Variants in RBFOX3 observed in about 807,000 individuals in gnomAD.
The protein encoded by RBFOX3 is RNA binding protein fox-1 homolog 3.
RBFOX3 carries 17 observed loss-of-function variants against 48.7 expected under a neutral mutation model. The ratio of observed to expected loss-of-function variants is 0.35; its 90% CI spans 0.24 to 0.52. RBFOX3 has a LOEUF of 0.52. RBFOX3 is among the 20% of genes least tolerant of loss of function. The pLI is 0.94. For missense variants in RBFOX3, 382 were observed against 497.5 expected, an observed-to-expected ratio of 0.77 and a Z score of 2.21; for synonymous variants, 212 against 209.5, an observed-to-expected ratio of 1.01 and a Z score of -0.10.
chr17:79,120,619 A>G (rs774055791), intron 4 of RBFOX3, among the ~76,000 whole-genome samples: 4 of 129,850 alleles, frequency 3.1e-5, no homozygotes, highest in Non-Finnish European at 6.6e-5. Context: ...GAATGGATGG[A>G]AAGAAGGGTG....
chr17:79,147,576 G>GT (rs1005147881), intron 4 of RBFOX3, among the ~76,000 whole-genome samples: 13 of 152,304 alleles, frequency 8.5e-5, no homozygotes, highest in African/African-American at 3.1e-4. Flanking sequence ...TCACCTTCTG[G>GT]TAAGAGGATC....
At chr17:79,276,517 C>T (rs2068863689) in intron 3 of RBFOX3, among the ~76,000 whole-genome samples, 1 of 152,110 alleles carries the variant, frequency 6.6e-6, no homozygotes, top group South Asian at 2.1e-4. Flanking sequence ...GAAACCCCAT[C>T]TCTACTAAAA....
chr17:79,620,403 A>G, the RBFOX3 span, among the ~76,000 whole-genome samples: 3 of 149,670 alleles, frequency 2.0e-5, no homozygotes, highest in Non-Finnish European at 4.5e-5. Context: ...GCCCACATGC[A>G]CACACACGGA....
chr17:79,641,074 C>T, the RBFOX3 span, among the ~76,000 whole-genome samples: 1 of 151,984 alleles, frequency 6.6e-6, no homozygotes, highest in East Asian at 1.9e-4. Flanking sequence ...AGTTAATATC[C>T]AAAATATATA....
Position 79,274,379 on chromosome 17 carries a change from T to C in RBFOX3, c.-74+33345A>G, listed in dbSNP as rs75796298. Among the ~76,000 whole-genome samples the C allele has an allele frequency of 3.0e-4, 45 of 152,250 alleles. No homozygotes were observed. In the East Asian group the frequency reaches 5.8e-3, roughly 20 times the overall value. Reference sequence around the variant, plus strand: ...ATGTCATGAAGATGAAGTGAGAGAATTGTAAGATTGCTCGGCAAAGGGCCC... The same window carrying C: ...ATGTCATGAAGATGAAGTGAGAGAACTGTAAGATTGCTCGGCAAAGGGCCC... On this transcript the variant is annotated intron_variant, in intron 3 of 14. Transcript: ENST00000693108.
intron 1 of RBFOX3, among the ~76,000 whole-genome samples, chr17:79,515,375 C>T (rs1599015980): frequency 1.3e-5 from 2 of 152,168 alleles, no homozygotes; most frequent in Non-Finnish European, 2.9e-5. Context: ...ATCTGACCCC[C>T]ACGCAGCTCC....
At chr17:79,208,116 A>G (rs2147029854) in intron 4 of RBFOX3, among the ~76,000 whole-genome samples, 1 of 151,820 alleles carries the variant, frequency 6.6e-6, no homozygotes, top group Non-Finnish European at 1.5e-5. Flanking sequence ...CACTGCAGAA[A>G]CACTCCCTCT....
In RBFOX3 at chr17:79,372,681, G is replaced by A. The variant is rs926305400; in HGVS notation, c.-174-64857C>T. Among the ~76,000 whole-genome samples, 5 of 151,962 alleles carry A rather than the reference G, an allele frequency of 3.3e-5. No homozygotes were observed. The East Asian group carries it at 9.7e-4, about 30-fold the overall frequency. ...ACTTCCTCCCCACCCACAGGGGCAG[G>A]GCAGGGACAGACGTGTGAGACACAC... On this transcript the variant is annotated intron_variant, in intron 2 of 14. Transcript: ENST00000693108.
chr17:79,115,840 CCAGCAGTATTTT>C (rs2033779725), intron 4 of RBFOX3, 92 bp from the exon 5 acceptor site: 2 of 553,474 alleles, frequency 3.6e-6, no homozygotes, highest in Non-Finnish European at 6.4e-6. Context: ...CAGAGCTTCT[CCAGCAGTATTTT>C]CAGCAGCCTT....
At chr17:79,545,069 T>TG (rs1434180792) in intron 1 of RBFOX3, among the ~76,000 whole-genome samples, 1 of 150,736 alleles carries the variant, frequency 6.6e-6, no homozygotes, top group East Asian at 2.0e-4. Flanking sequence ...GAATGAATCC[T>TG]GGGGGGAAGG....
At chr17:79,508,415 G>T (rs2083499311) in intron 1 of RBFOX3, among the ~76,000 whole-genome samples, 1 of 152,156 alleles carries the variant, frequency 6.6e-6, no homozygotes, top group Non-Finnish European at 1.5e-5. Context: ...CCTGCCCGAG[G>T]CTGGGCCGCC....
intron 1 of RBFOX3, among the ~76,000 whole-genome samples, chr17:79,583,132 A>G (rs1187304826): frequency 6.6e-6 from 1 of 152,228 alleles, no homozygotes; most frequent in Non-Finnish European, 1.5e-5. Context: ...TGGGCGCTGC[A>G]GGGGAGGGAG....
At chr17:79,654,645 T>C in the RBFOX3 span, among the ~76,000 whole-genome samples, 1 of 152,314 alleles carries the variant, frequency 6.6e-6, no homozygotes, top group African/African-American at 2.4e-5. Flanking sequence ...CAAAATGACC[T>C]GATTTCCAAA....
chr17:79,188,061 C>T (rs2053773192), intron 4 of RBFOX3, among the ~76,000 whole-genome samples: 1 of 152,358 alleles, frequency 6.6e-6, no homozygotes, highest in South Asian at 2.1e-4. Context: ...GAAAAGCCGG[C>T]AGAGGGTCCC....
At chr17:79,255,456 C>T (rs765775896) in intron 3 of RBFOX3, among the ~76,000 whole-genome samples, 12 of 152,098 alleles carry the variant, frequency 7.9e-5, no homozygotes, top group Non-Finnish European at 1.6e-4. Flanking sequence ...ACCCCAGAGC[C>T]CTGGCCCCCC....
chr17:79,128,074 G>A (rs984236033), intron 4 of RBFOX3, among the ~76,000 whole-genome samples: 2 of 152,232 alleles, frequency 1.3e-5, no homozygotes, highest in African/African-American at 4.8e-5. Context: ...CACAGCAGCG[G>A]GTAGAGTCCT....
intron 1 of RBFOX3, among the ~76,000 whole-genome samples, chr17:79,580,025 T>C (rs911162488): frequency 0.11 from 17,352 of 151,818 alleles, 1,423 homozygotes; most frequent in East Asian, 0.28. Flanking sequence ...AAATGGGAAC[T>C]GGTGCCACAG....
intron 4 of RBFOX3, among the ~76,000 whole-genome samples, chr17:79,206,895 T>C (rs906285395): frequency 1.3e-5 from 2 of 152,216 alleles, no homozygotes; most frequent in South Asian, 4.1e-4. Context: ...GACTCAATAG[T>C]ACACCTGGAA....
chr17:79,166,442 C>T (rs1196422396), intron 4 of RBFOX3, among the ~76,000 whole-genome samples: 1 of 150,862 alleles, frequency 6.6e-6, no homozygotes, highest in Non-Finnish European at 1.5e-5. Context: ...GATCAAAAGA[C>T]TTAAGTAGGC....
Sources: gnomAD v4.1 joint callset for allele counts (sites outside exome capture counted in the v4.1 genomes callset) on GRCh38, gnomAD v4.1.1 for gene constraint, MANE v1.5 for transcripts, NCBI Gene and HGNC (gene_info 2026-07-23, HGNC 2026-07-21) for gene names.